PIWIL4: variants seen among roughly 807,000 people sequenced by gnomAD.
The protein encoded by PIWIL4 is piwi-like protein 4.
A neutral mutation model predicts 100.9 loss-of-function variants in PIWIL4; 50 were observed. The ratio of observed to expected loss-of-function variants is 0.50; its 90% CI spans 0.39 to 0.63. The LOEUF is 0.63. Ranked by LOEUF, PIWIL4 falls within the 20% of genes least tolerant of loss-of-function variation. The pLI is 0.00. For synonymous variants in PIWIL4, 342 were observed against 367.5 expected (o/e 0.93, Z 0.79); for missense variants, 887 against 1,043.3 (o/e 0.85, Z 2.06).
At position 94,589,308 on chromosome 11, in the gene PIWIL4, G is replaced by T. The variant is rs955406052; in HGVS notation, c.1026+76G>T. 11 of 1,289,710 alleles carry T rather than the reference G, an allele frequency of 8.5e-6. No homozygotes were observed. The South Asian group carries it at 1.4e-4, about 17-fold the overall frequency. 79.9% of individuals were successfully genotyped at this position (1,289,710 alleles called of 1,614,324 possible). ...AGTCTCCTTATTCCAAGTCTCAGAG[G>T]TCCCCCAGATTGGAGGCTGAGTCTG... On this transcript the variant is annotated intron_variant, in intron 8 of 19. Coordinates refer to ENST00000299001, the MANE Select transcript of PIWIL4 (RefSeq NM_152431.3).
rs968353386 is a variant in PIWIL4 at position 94,568,881 on chromosome 11, ACAG to A, written c.166+77_166+79del. ...AGCAAGAGGAGCCCTGCCAGGCCTTACAGCAGTAGGCCCACCTCTTGCACATCC... is the reference window on the plus strand; with the variant it reads ...AGCAAGAGGAGCCCTGCCAGGCCTTACAGTAGGCCCACCTCTTGCACATCC... On this transcript the variant is annotated intron_variant, in intron 2 of 19. Transcript: ENST00000299001. 3 of 1,326,846 alleles carry A rather than the reference ACAG, an allele frequency of 2.3e-6. No individual in the cohort carries two copies. In the African/African-American group the frequency reaches 4.3e-5, roughly 19 times the overall value. The allele number at this position is 1,326,846 out of a possible 1,614,324, so 82.2% of individuals were successfully genotyped here.
At chr11:94,604,379 A>T (rs1427239620) in intron 13 of PIWIL4, among the ~76,000 whole-genome samples, 1 of 152,194 alleles carries the variant, frequency 6.6e-6, no homozygotes, top group Admixed American at 6.5e-5. Context: ...GTTGGTATCC[A>T]GTGTTCCCTA....
At chr11:94,588,813 G>T (rs1948440031) in intron 7 of PIWIL4, among the ~76,000 whole-genome samples, 1 of 152,176 alleles carries the variant, frequency 6.6e-6, no homozygotes, top group African/African-American at 2.4e-5. Context: ...TTCAGCCTCT[G>T]AACATTTAAG....
intron 19 of PIWIL4, 141 bp downstream of exon 19, chr11:94,620,285 C>G (rs901372965): frequency 2.0e-5 from 20 of 976,346 alleles, no homozygotes; most frequent in East Asian, 5.3e-5. Flanking sequence ...ATGAATGAAT[C>G]AATGAATGAA....
chr11:94,576,391 C>T (rs1251547031), intron 3 of PIWIL4, among the ~76,000 whole-genome samples: 1 of 152,178 alleles, frequency 6.6e-6, no homozygotes, highest in Non-Finnish European at 1.5e-5. Context: ...GCCTTGGCCT[C>T]CCAAACTGCT....
At chr11:94,579,543 G>A (rs1314019962) in intron 4 of PIWIL4, among the ~76,000 whole-genome samples, 2 of 152,152 alleles carry the variant, frequency 1.3e-5, no homozygotes, top group Non-Finnish European at 2.9e-5. Flanking sequence ...GGTACCAATA[G>A]CTTAGATTTA....
chr11:94,621,001 A>G lies in PIWIL4; in HGVS notation c.*9A>G. On this transcript the variant is annotated 3_prime_UTR_variant, in exon 20 of 20. Transcript: ENST00000299001. Reference sequence around the variant, plus strand: ...ATCTCTTCTACCTGTGATGGCATGAACTACTGGCATCACTAGATGGACAAT... The same window carrying G: ...ATCTCTTCTACCTGTGATGGCATGAGCTACTGGCATCACTAGATGGACAAT... 6.4e-7 allele frequency: 1 copy of G among 1,564,058 alleles called. No individual in the cohort carries two copies. Among genetic ancestry groups the G allele is most frequent in the Non-Finnish European group, 8.8e-7 (1 of 1,134,666 alleles).
At chr11:94,598,705 CTTTTTTT>C (rs769342028) in intron 11 of PIWIL4, among the ~76,000 whole-genome samples, 5 of 110,066 alleles carry the variant, frequency 4.5e-5, no homozygotes, top group Non-Finnish European at 8.9e-5. Flanking sequence ...TTTTTTCCAT[CTTTTTTT>C]TTTTTTTTTT....
intron 13 of PIWIL4, among the ~76,000 whole-genome samples, chr11:94,606,533 TAAG>T (rs1034303142): frequency 2.0e-5 from 3 of 152,094 alleles, no homozygotes; most frequent in African/African-American, 7.2e-5. Flanking sequence ...AAGCATCTGA[TAAG>T]AAGTAGGAGT....
intron 4 of PIWIL4, among the ~76,000 whole-genome samples, 200 bp downstream of exon 4, chr11:94,577,692 T>C (rs1948257213): frequency 6.6e-6 from 1 of 152,228 alleles, no homozygotes; most frequent in African/African-American, 2.4e-5. Context: ...TAAGCAATTA[T>C]ATCAGCCATT....
At chr11:94,619,440 C>T (rs1948881561) in intron 17 of PIWIL4, among the ~76,000 whole-genome samples, 11 of 152,024 alleles carry the variant, frequency 7.2e-5, no homozygotes, top group Admixed American at 6.6e-4. Context: ...ACACACACAT[C>T]TTGTCTCCAT....
chr11:94,595,172 CAT>C (rs386756346), intron 9 of PIWIL4, 135 bp from the exon 10 acceptor site: 2 of 618,940 alleles, frequency 3.2e-6, no homozygotes, highest in Non-Finnish European at 5.5e-6. Flanking sequence ...CTTAAAATGA[CAT>C]ACGTGGTTTT....
chr11:94,579,584 A>T (rs1948286581), intron 4 of PIWIL4, among the ~76,000 whole-genome samples: 1 of 152,150 alleles, frequency 6.6e-6, no homozygotes, highest in South Asian at 2.1e-4. Context: ...GTGTTTGTGA[A>T]TTTCCTCATG....
In PIWIL4 at chr11:94,608,331, A is replaced by G. The variant is rs1477528127; in HGVS notation, c.1840-252A>G. 1.1e-5 allele frequency: 4 copies of G among 376,902 alleles called. No homozygotes were observed. In the Admixed American group the frequency reaches 1.3e-4, roughly 12 times the overall value. 23.3% of individuals were successfully genotyped at this position (376,902 alleles called of 1,614,324 possible). A position where few individuals can be genotyped will look rare whatever the true frequency, so the allele number is the denominator to read the frequency against. ...GCCACTGGTGCCCCTTCCCCACCCC[A>G]CAAAGGATGATGGTTATCTTGGACG... On this transcript the variant is annotated intron_variant, in intron 14 of 19. Transcript: ENST00000299001.
chr11:94,575,245 A>G, intron 3 of PIWIL4, 115 bp downstream of exon 3: 1 of 1,083,122 alleles, frequency 9.2e-7, no homozygotes, highest in Non-Finnish European at 1.3e-6. Context: ...ATATTTACTG[A>G]TTGTCTTCTA....
At chr11:94,575,153 CT>C in intron 3 of PIWIL4, 23 bp downstream of exon 3, 2 of 1,608,620 alleles carry the variant, frequency 1.2e-6, no homozygotes, top group Non-Finnish European at 1.7e-6. Context: ...ATGTCACTTA[CT>C]TTTTTAATGT....
intron 2 of PIWIL4, among the ~76,000 whole-genome samples, chr11:94,572,217 A>C (rs1317180603): frequency 3.3e-5 from 5 of 151,926 alleles, no homozygotes; most frequent in Non-Finnish European, 7.4e-5. Flanking sequence ...GATTGCAAAA[A>C]TTTTCTCCCA....
At chr11:94,577,187 G>A in intron 3 of PIWIL4, 91 bp from the exon 4 acceptor site, 1 of 1,063,358 alleles carries the variant, frequency 9.4e-7, no homozygotes, top group East Asian at 2.5e-5. Flanking sequence ...CAACTACTAT[G>A]CATAGGCAAA....
rs746663049 is a variant in PIWIL4 at position 94,575,067 on chromosome 11, G to T, written c.235G>T (p.Asp79Tyr). The T allele has an allele frequency of 6.2e-7, 1 of 1,613,826 alleles. No individual in the cohort carries two copies. The highest frequency in any genetic ancestry group is 1.1e-5 in the South Asian group (1 of 91,058). The change falls in exon 3 of 20, where the codon GAC becomes TAC. Residue 79 changes from aspartate (D) to tyrosine (Y), a missense_variant. Coordinates refer to ENST00000299001, the MANE Select transcript of PIWIL4 (RefSeq NM_152431.3). ...FMERGVKNKQ[D>Y]FMDLSICTRE... ...GGAAAGAGGTGTGAAAAACAAACAG[G>T]ACTTTATGGATTTGAGTATCTGTAC...
Sources: gnomAD v4.1 joint callset for allele counts (sites outside exome capture counted in the v4.1 genomes callset) on GRCh38, gnomAD v4.1.1 for gene constraint, MANE v1.5 for transcripts, NCBI Gene and HGNC (gene_info 2026-07-23, HGNC 2026-07-21) for gene names.